The following EYS variants were observed in gnomAD, a reference collection of about 807,000 sequenced individuals.
EYS encodes the protein EGF-like photoreceptor maintenance factor, also known as protein eyes shut homolog.
Under a neutral mutation model 282.1 loss-of-function variants are expected in EYS, and 250 were observed. The ratio of observed to expected loss-of-function variants is 0.89; its 90% CI spans 0.80 to 0.98. The LOEUF (loss-of-function observed/expected upper bound fraction) is 0.98. Among genes scored for constraint, EYS ranks in the 50% least tolerant of loss-of-function variants. EYS has a pLI of 0.00. For synonymous variants in EYS, 1,355 were observed against 1,282.9 expected, an observed-to-expected ratio of 1.06 and a Z score of -1.20; for missense variants, 4,016 against 3,709.0, an observed-to-expected ratio of 1.08 and a Z score of -2.15.
intron 31 of EYS, among the ~76,000 whole-genome samples, chr6:64,126,930 A>G (rs1323301415): frequency 1.3e-5 from 2 of 152,110 alleles, no homozygotes; most frequent in Non-Finnish European, 2.9e-5. Flanking sequence ...TCCAATGCCT[A>G]TTCTAGGCTC....
intron 15 of EYS, among the ~76,000 whole-genome samples, chr6:64,938,316 A>T (rs1768976573): frequency 6.6e-6 from 1 of 151,264 alleles, no homozygotes; most frequent in Non-Finnish European, 1.5e-5. Flanking sequence ...AAATAGATGA[A>T]TATAGTATAA....
At chr6:64,799,770 T>G (rs1774480353) in intron 22 of EYS, among the ~76,000 whole-genome samples, 1 of 151,594 alleles carries the variant, frequency 6.6e-6, no homozygotes, top group Non-Finnish European at 1.5e-5. Context: ...ACATTTATAG[T>G]TTTAAAATTT....
chr6:65,257,377 T>C (rs1767497239), intron 12 of EYS, among the ~76,000 whole-genome samples: 1 of 112,632 alleles, frequency 8.9e-6, no homozygotes, highest in Admixed American at 8.4e-5. Flanking sequence ...ATGCCTAGGT[T>C]TTCTTCTAGG....
chr6:65,080,881 T>C (rs1209776284), intron 12 of EYS, among the ~76,000 whole-genome samples: 1 of 152,132 alleles, frequency 6.6e-6, no homozygotes, highest in African/African-American at 2.4e-5. Context: ...TTAGTCCCTC[T>C]TATGTTATTT....
intron 11 of EYS, among the ~76,000 whole-genome samples, chr6:65,313,055 G>C (rs1769203108): frequency 1.3e-5 from 2 of 152,096 alleles, no homozygotes; most frequent in African/African-American, 4.8e-5. Context: ...GGACACAAAG[G>C]CAAACTCCAG....
chr6:64,948,482 CTA>C (rs1407714036), intron 14 of EYS, among the ~76,000 whole-genome samples: 1 of 145,438 alleles, frequency 6.9e-6, no homozygotes, highest in Non-Finnish European at 1.5e-5. Context: ...ATATTAATAA[CTA>C]TTAAATATTT....
At chr6:64,240,686 G>A (rs1326246795) in intron 30 of EYS, among the ~76,000 whole-genome samples, 3 of 152,086 alleles carry the variant, frequency 2.0e-5, no homozygotes, top group Admixed American at 6.5e-5. Context: ...ATACAATCAC[G>A]TCATCTGCAA....
chr6:63,780,150 A>T (rs112229954), intron 39 of EYS, among the ~76,000 whole-genome samples: 3 of 152,150 alleles, frequency 2.0e-5, no homozygotes, highest in East Asian at 3.9e-4. Flanking sequence ...TCTATCATTG[A>T]TGGGCATTTG....
At chr6:65,211,917 A>T (rs1766185347) in intron 12 of EYS, among the ~76,000 whole-genome samples, 1 of 152,028 alleles carries the variant, frequency 6.6e-6, no homozygotes, top group Admixed American at 6.6e-5. Context: ...TCATCCATAT[A>T]TGAAGTCTTT....
intron 29 of EYS, among the ~76,000 whole-genome samples, chr6:64,387,010 T>A (rs1772932770): frequency 6.6e-6 from 1 of 152,100 alleles, no homozygotes; most frequent in South Asian, 2.1e-4. Context: ...TGTAAATATA[T>A]ACCATTTTGC....
At chr6:64,130,084 G>A (rs112944430) in intron 31 of EYS, among the ~76,000 whole-genome samples, 1,575 of 152,188 alleles carry the variant, frequency 0.01, 28 homozygotes, top group African/African-American at 0.036. Context: ...GCTCCTCAGG[G>A]ATCTAGAACT....
chr6:64,710,521 TG>T (rs1771173533), intron 22 of EYS, among the ~76,000 whole-genome samples: 1 of 152,218 alleles, frequency 6.6e-6, no homozygotes, highest in Non-Finnish European at 1.5e-5. Context: ...ATTGGGCCCT[TG>T]AGCCGCTTGC....
At chr6:65,675,565 TA>T (rs1381797181) in intron 1 of EYS, among the ~76,000 whole-genome samples, 2 of 151,930 alleles carry the variant, frequency 1.3e-5, no homozygotes, top group African/African-American at 4.8e-5. Flanking sequence ...ACTAGGAATG[TA>T]TACCAAATAT....
At chr6:64,137,382 T>C (rs892410953) in intron 31 of EYS, among the ~76,000 whole-genome samples, 4 of 152,168 alleles carry the variant, frequency 2.6e-5, no homozygotes, top group Non-Finnish European at 5.9e-5. Flanking sequence ...CAAGATCTTT[T>C]CCTTTGCATT....
In EYS at chr6:65,256,264, T is replaced by C. The variant is rs1042423735; in HGVS notation, c.2023+39599A>G. On this transcript the variant is annotated intron_variant, in intron 12 of 42. Transcript: ENST00000503581. The stretch of plus-strand genomic sequence containing the variant: ...GCCAGGAACAGAAAGACAAACTTCT[T>C]TTTTTTTTTCTTTTTTTTTTTTAAT... 2.9e-3 allele frequency among the ~76,000 whole-genome samples: 393 copies of C among 137,168 alleles called. 5 individuals carry two copies. The highest frequency in any genetic ancestry group is 0.011 in the African/African-American group (353 of 31,200). 90.0% of individuals were successfully genotyped at this position (137,168 alleles called of 152,430 possible). A position where few individuals can be genotyped will look rare whatever the true frequency, so the allele number is the denominator to read the frequency against.
At chr6:65,146,054 A>G (rs1459322468) in intron 12 of EYS, among the ~76,000 whole-genome samples, 1 of 151,840 alleles carries the variant, frequency 6.6e-6, no homozygotes, top group African/African-American at 2.4e-5. Context: ...AGGTATCAAT[A>G]GGAGGAAAGT....
chr6:65,649,252 T>C (rs1483653659), intron 1 of EYS, among the ~76,000 whole-genome samples: 3 of 152,132 alleles, frequency 2.0e-5, no homozygotes, highest in African/African-American at 7.2e-5. Context: ...GAGTTTTGTA[T>C]GTGTTTTGTT....
chr6:63,764,095 CCTG>C (rs1769722942), intron 40 of EYS, among the ~76,000 whole-genome samples: 1 of 151,534 alleles, frequency 6.6e-6, no homozygotes, highest in Non-Finnish European at 1.5e-5. Flanking sequence ...ACTTAAAATT[CCTG>C]TCAGAGCCAG....
intron 2 of EYS, among the ~76,000 whole-genome samples, chr6:65,560,874 AGTT>A (rs944944774): frequency 3.3e-5 from 5 of 151,968 alleles, no homozygotes; most frequent in African/African-American, 9.7e-5. Flanking sequence ...AAAGCTTTCC[AGTT>A]GTTGTAAGTT....
Sources: gnomAD v4.1 joint callset for allele counts (sites outside exome capture counted in the v4.1 genomes callset) on GRCh38, gnomAD v4.1.1 for gene constraint, MANE v1.5 for transcripts, NCBI Gene and HGNC (gene_info 2026-07-23, HGNC 2026-07-21) for gene names.